The following SEMA3E variants were observed in gnomAD, a reference collection of about 807,000 sequenced individuals.
SEMA3E encodes the protein semaphorin-3E.
SEMA3E carries 49 observed loss-of-function variants against 93.6 expected under a neutral mutation model. The observed-to-expected ratio is 0.52, with a 90% CI of 0.42 to 0.66. The LOEUF (loss-of-function observed/expected upper bound fraction) is 0.66, where lower values mean the gene tolerates loss of function less well. SEMA3E is among the 30% of genes least tolerant of loss of function. The probability of loss-of-function intolerance (pLI) is 0.00; values close to 1 mark genes in which losing one functional copy is unlikely to be tolerated. For missense variants in SEMA3E, 906 were observed against 964.8 expected, an observed-to-expected ratio of 0.94 and a Z score of 0.81; for synonymous variants, 363 against 330.7, an observed-to-expected ratio of 1.10 and a Z score of -1.06.
chr7:83,459,078 G>C (rs368323339), intron 4 of SEMA3E, among the ~76,000 whole-genome samples: 3 of 150,812 alleles, frequency 2.0e-5, no homozygotes, highest in Non-Finnish European at 4.4e-5. Context: ...AAAGAATAAC[G>C]TTAAGTATCC....
At chr7:83,454,272 A>AAAAAAAAATATATATATATATATATATAT (rs1257792756) in intron 4 of SEMA3E, among the ~76,000 whole-genome samples, 1 of 110,134 alleles carries the variant, frequency 9.1e-6, no homozygotes, top group African/African-American at 4.3e-5. Flanking sequence ...AAAAAAAAAA[A>AAAAAAAAATATATATATATATATATATAT]ATATATATAT....
intron 9 of SEMA3E, among the ~76,000 whole-genome samples, chr7:83,404,678 A>G (rs1788293977): frequency 6.6e-6 from 1 of 152,012 alleles, no homozygotes. Flanking sequence ...GGGGAAAACA[A>G]TAGATTATAC....
chr7:83,366,484 C>A lies in SEMA3E; in HGVS notation c.*1102G>T, dbSNP rs544527540. 206 of 151,916 alleles carry A rather than the reference C, an allele frequency of 1.4e-3. 1 individual carries two copies. Among genetic ancestry groups the A allele is most frequent in the African/African-American group, 4.9e-3 (202 of 41,486 alleles). 9.4% of individuals were successfully genotyped at this position (151,916 alleles called of 1,614,324 possible). ...AAATTTGATATTTGAGAGCAAATCA[C>A]TTTAATATTTTTTTCACAAATAAAA... On this transcript the variant is annotated 3_prime_UTR_variant, in exon 17 of 17. Coordinates refer to ENST00000643230, the MANE Select transcript of SEMA3E (RefSeq NM_012431.3).
At chr7:83,546,629 C>T (rs1791656283) in intron 1 of SEMA3E, among the ~76,000 whole-genome samples, 2 of 151,996 alleles carry the variant, frequency 1.3e-5, no homozygotes, top group South Asian at 4.2e-4. Context: ...TATCAATACC[C>T]CATTATGTAC....
At chr7:83,539,870 T>TGC (rs752003602) in intron 1 of SEMA3E, among the ~76,000 whole-genome samples, 95 of 150,112 alleles carry the variant, frequency 6.3e-4, no homozygotes, top group East Asian at 5.9e-4. Flanking sequence ...TGTGTGTGTG[T>TGC]GTGTGTGTGT....
chr7:83,521,093 T>C (rs577765809), intron 1 of SEMA3E, among the ~76,000 whole-genome samples: 1 of 152,230 alleles, frequency 6.6e-6, no homozygotes, highest in East Asian at 1.9e-4. Flanking sequence ...AGATTTTTTT[T>C]TTTTTTTAGA....
At position 83,518,542 on chromosome 7, in the gene SEMA3E, C is replaced by T. The variant is rs183945116; in HGVS notation, c.116-28268G>A. On this transcript the variant is annotated intron_variant, in intron 1 of 16. Coordinates refer to ENST00000643230, the MANE Select transcript of SEMA3E (RefSeq NM_012431.3). ...TAATTATTTGATCCTAGGCAAATCA[C>T]TTAAACTTATTTCAGTTTCCTCATC... 2.6e-5 allele frequency among the ~76,000 whole-genome samples: 4 copies of T among 152,246 alleles called. No individual in the cohort carries two copies. In the East Asian group the frequency reaches 7.7e-4, roughly 29 times the overall value.
At chr7:83,645,908 G>T (rs1023461480) in intron 1 of SEMA3E, among the ~76,000 whole-genome samples, 5 of 152,024 alleles carry the variant, frequency 3.3e-5, no homozygotes, top group Middle Eastern at 3.4e-3. Context: ...TTTAACTCAC[G>T]CTCTGTATAT....
intron 1 of SEMA3E, among the ~76,000 whole-genome samples, chr7:83,502,875 A>G (rs1024688178): frequency 1.3e-5 from 2 of 152,226 alleles, no homozygotes; most frequent in African/African-American, 4.8e-5. Context: ...AATATGTTAA[A>G]TGAATGAACT....
chr7:83,514,770 G>A (rs920387590), intron 1 of SEMA3E, among the ~76,000 whole-genome samples: 1 of 152,002 alleles, frequency 6.6e-6, no homozygotes, highest in African/African-American at 2.4e-5. Context: ...TTATTAACTA[G>A]ACATTCTGTA....
intron 1 of SEMA3E, among the ~76,000 whole-genome samples, chr7:83,560,320 C>G (rs215270): frequency 6.6e-6 from 1 of 151,754 alleles, no homozygotes; most frequent in East Asian, 1.9e-4. Flanking sequence ...TGTGTAGGGG[C>G]GGGGAGTATA....
chr7:83,629,571 CG>C (rs979545512), intron 1 of SEMA3E, among the ~76,000 whole-genome samples: 3 of 152,142 alleles, frequency 2.0e-5, no homozygotes, highest in African/African-American at 7.2e-5. Flanking sequence ...CTGAATTTCC[CG>C]GTGGCTGTGT....
intron 4 of SEMA3E, among the ~76,000 whole-genome samples, chr7:83,444,913 C>T (rs921590652): frequency 1.3e-5 from 2 of 152,204 alleles, no homozygotes; most frequent in African/African-American, 2.4e-5. Flanking sequence ...TCAGGTGATG[C>T]GCCCGTTTTG....
intron 1 of SEMA3E, among the ~76,000 whole-genome samples, chr7:83,595,794 T>C (rs1792861143): frequency 6.6e-6 from 1 of 152,004 alleles, no homozygotes; most frequent in Admixed American, 6.6e-5. Context: ...AGGAAGTTTA[T>C]GATTTGATAA....
At chr7:83,476,608 A>G (rs1170696029) in intron 2 of SEMA3E, among the ~76,000 whole-genome samples, 4 of 152,234 alleles carry the variant, frequency 2.6e-5, no homozygotes, top group Non-Finnish European at 5.9e-5. Context: ...AGGTGACAAT[A>G]TATGGCAAAG....
chr7:83,577,109 CAG>C (rs1013952994), intron 1 of SEMA3E, among the ~76,000 whole-genome samples: 17 of 151,974 alleles, frequency 1.1e-4, no homozygotes, highest in African/African-American at 1.7e-4. Context: ...TTCAAAACAC[CAG>C]AGTTAGATAT....
chr7:83,640,522 T>G (rs1584381900), intron 1 of SEMA3E, among the ~76,000 whole-genome samples: 1 of 152,154 alleles, frequency 6.6e-6, no homozygotes, highest in African/African-American at 2.4e-5. Context: ...GAGGGCACAT[T>G]GTCCAGGTGG....
chr7:83,648,383 C>CTT (rs372307036), intron 1 of SEMA3E, 45 bp downstream of exon 1: 571 of 1,157,534 alleles, frequency 4.9e-4, no homozygotes, highest in African/African-American at 1.1e-3. Context: ...TTTTCTTTTT[C>CTT]TTTTTTTTTT....
chr7:83,450,763 A>G (rs1341839878), intron 4 of SEMA3E, among the ~76,000 whole-genome samples: 2 of 152,156 alleles, frequency 1.3e-5, no homozygotes, highest in African/African-American at 4.8e-5. Flanking sequence ...AAACAGGTGT[A>G]CTTAACGAAT....
Sources: gnomAD v4.1 joint callset for allele counts (sites outside exome capture counted in the v4.1 genomes callset) on GRCh38, gnomAD v4.1.1 for gene constraint, MANE v1.5 for transcripts, NCBI Gene and HGNC (gene_info 2026-07-23, HGNC 2026-07-21) for gene names.